The following GAS7 variants were observed in gnomAD, a reference collection of about 807,000 sequenced individuals.
GAS7 encodes the protein growth arrest-specific protein 7.
In GAS7, 28 loss-of-function variants were observed where a neutral mutation model predicts 71.1. That is an observed-to-expected ratio of 0.39 (90% CI 0.29 to 0.54). The LOEUF (loss-of-function observed/expected upper bound fraction) is 0.54, where lower values mean the gene tolerates loss of function less well. Among genes scored for constraint, GAS7 ranks in the 20% least tolerant of loss-of-function variants. The probability of loss-of-function intolerance (pLI) is 0.62; values close to 1 mark genes in which losing one functional copy is unlikely to be tolerated. For missense variants in GAS7, 436 were observed against 627.8 expected (o/e 0.69, Z 3.27); for synonymous variants, 258 against 245.8 (o/e 1.05, Z -0.46).
At chr17:9,948,225 C>A (rs564654554) in intron 5 of GAS7, among the ~76,000 whole-genome samples, 31 of 152,294 alleles carry the variant, frequency 2.0e-4, no homozygotes, top group Admixed American at 3.3e-4. Context: ...TCAAGGGTCA[C>A]CTGTATAATA....
chr17:10,049,219 G>A (rs925345647), intron 1 of GAS7, among the ~76,000 whole-genome samples: 2 of 152,174 alleles, frequency 1.3e-5, no homozygotes, highest in African/African-American at 2.4e-5. Flanking sequence ...TTTCTTCGCC[G>A]TGGAACTTCA....
intron 1 of GAS7, among the ~76,000 whole-genome samples, chr17:10,051,991 G>T (rs2073068580): frequency 6.6e-6 from 1 of 152,046 alleles, no homozygotes; most frequent in South Asian, 2.1e-4. Flanking sequence ...TAGTTTATTT[G>T]ACCCTTATAA....
At chr17:9,988,444 C>A (rs933862216) in intron 2 of GAS7, among the ~76,000 whole-genome samples, 3 of 152,186 alleles carry the variant, frequency 2.0e-5, no homozygotes, top group African/African-American at 7.2e-5. Context: ...TGCTTATCTC[C>A]CTTGGCCAAT....
At chr17:10,135,156 G>T (rs143227128) in intron 1 of GAS7, among the ~76,000 whole-genome samples, 37 of 152,208 alleles carry the variant, frequency 2.4e-4, no homozygotes, top group African/African-American at 8.4e-4. Flanking sequence ...ATTACATGTA[G>T]ATTAAAGGGC....
At chr17:9,965,467 C>T (rs972208455) in intron 4 of GAS7, among the ~76,000 whole-genome samples, 4 of 152,034 alleles carry the variant, frequency 2.6e-5, no homozygotes, top group African/African-American at 9.7e-5. Context: ...AACAATGGGA[C>T]CATATGGACA....
intron 1 of GAS7, among the ~76,000 whole-genome samples, chr17:10,182,953 T>TGGGAGTGCCCAGGCAGC (rs1485690994): frequency 2.0e-5 from 3 of 152,166 alleles, no homozygotes; most frequent in Admixed American, 2.0e-4. Context: ...GAGTTTTGTG[T>TGGGAGTGCCCAGGCAGC]GGGAGTGCCC....
At chr17:10,045,820 C>T (rs1400964466) in intron 1 of GAS7, among the ~76,000 whole-genome samples, 1 of 152,322 alleles carries the variant, frequency 6.6e-6, no homozygotes, top group South Asian at 2.1e-4. Context: ...TCATTCATAT[C>T]CCACTGTGAC....
intron 4 of GAS7, among the ~76,000 whole-genome samples, chr17:9,968,083 T>C (rs2069796284): frequency 6.6e-6 from 1 of 152,246 alleles, no homozygotes; most frequent in Non-Finnish European, 1.5e-5. Context: ...TCTGTCATCG[T>C]TGCTGAACCA....
At chr17:10,065,606 C>T (rs1276507605) in intron 1 of GAS7, among the ~76,000 whole-genome samples, 1 of 152,234 alleles carries the variant, frequency 6.6e-6, no homozygotes, top group Non-Finnish European at 1.5e-5. Flanking sequence ...CTTGTGATTA[C>T]ATTTAGGGCT....
chr17:9,956,160 G>T lies in GAS7; in HGVS notation c.525+3042C>A, dbSNP rs147389071. ...GAGCCTGTGGGGAACAGAGGCCACA[G>T]GCTTCTTGCACGGCCTGTTTGACCA... On this transcript the variant is annotated intron_variant, in intron 5 of 13. Transcript: ENST00000432992. Among the ~76,000 whole-genome samples, 788 of 152,356 alleles carry T rather than the reference G, an allele frequency of 5.2e-3. 5 individuals are homozygous for T. Among genetic ancestry groups the T allele is most frequent in the African/African-American group, 0.017 (727 of 41,588 alleles).
intron 1 of GAS7, among the ~76,000 whole-genome samples, chr17:10,126,853 C>T (rs1231186903): frequency 1.3e-5 from 2 of 152,214 alleles, no homozygotes; most frequent in South Asian, 2.1e-4. Context: ...TGGCTTCAAA[C>T]CCCAGCTCTG....
At chr17:10,151,040 T>C (rs867968051) in intron 1 of GAS7, among the ~76,000 whole-genome samples, 2 of 152,356 alleles carry the variant, frequency 1.3e-5, no homozygotes, top group East Asian at 1.9e-4. Context: ...TTAAAAAGAA[T>C]AGAACAAAGC....
Position 9,915,466 on chromosome 17 carries a change from G to C in GAS7, c.*1762C>G, listed in dbSNP as rs2067558195. On this transcript the variant is annotated 3_prime_UTR_variant, in exon 14 of 14. Coordinates refer to ENST00000432992, the MANE Select transcript of GAS7 (RefSeq NM_201433.2). ...TCCATCCCATGGACAGATCCTACCA[G>C]GAGGTCTTCACGTAGGTGAAGGCCT... 1 of 229,798 alleles carries C rather than the reference G, an allele frequency of 4.4e-6. No homozygotes were observed. The highest frequency in any genetic ancestry group is 2.2e-5 in the African/African-American group (1 of 45,128). The allele number at this position is 229,798 out of a possible 1,614,324, so 14.2% of individuals were successfully genotyped here. A position where few individuals can be genotyped will look rare whatever the true frequency, so the allele number is the denominator to read the frequency against.
At chr17:9,971,796 G>A (rs1332146859) in intron 3 of GAS7, among the ~76,000 whole-genome samples, 1 of 152,190 alleles carries the variant, frequency 6.6e-6, no homozygotes, top group Non-Finnish European at 1.5e-5. Flanking sequence ...AAACTCTATA[G>A]CGTGGCAGGA....
intron 1 of GAS7, among the ~76,000 whole-genome samples, chr17:10,050,423 G>T (rs1024645259): frequency 3.3e-5 from 5 of 152,080 alleles, no homozygotes; most frequent in Middle Eastern, 3.2e-3. Flanking sequence ...ACAAACTGAG[G>T]CCTGGAGACA....
chr17:10,028,130 C>G (rs2152216325), intron 1 of GAS7, among the ~76,000 whole-genome samples: 1 of 152,342 alleles, frequency 6.6e-6, no homozygotes, highest in Non-Finnish European at 1.5e-5. Context: ...GTCTCGATCT[C>G]TTGACCTCAT....
intron 3 of GAS7, among the ~76,000 whole-genome samples, chr17:9,979,364 C>T (rs1230034648): frequency 6.6e-6 from 1 of 152,202 alleles, no homozygotes; most frequent in Non-Finnish European, 1.5e-5. Flanking sequence ...ATTCTCATCT[C>T]TATATCTGAC....
At chr17:10,118,078 G>A (rs537340165) in intron 1 of GAS7, among the ~76,000 whole-genome samples, 64 of 152,214 alleles carry the variant, frequency 4.2e-4, no homozygotes, top group Admixed American at 4.0e-3. Flanking sequence ...ACTTTTCCCC[G>A]AGGGTAACAG....
chr17:10,027,946 C>T (rs1230129435), intron 1 of GAS7, among the ~76,000 whole-genome samples: 3 of 152,316 alleles, frequency 2.0e-5, no homozygotes, highest in East Asian at 1.9e-4. Flanking sequence ...TGCAGTGGCA[C>T]GATCTCGGCT....
Sources: gnomAD v4.1 joint callset for allele counts (sites outside exome capture counted in the v4.1 genomes callset) on GRCh38, gnomAD v4.1.1 for gene constraint, MANE v1.5 for transcripts, NCBI Gene and HGNC (gene_info 2026-07-23, HGNC 2026-07-21) for gene names.